Variants in ADRA2A observed in about 807,000 individuals in gnomAD.
ADRA2A encodes the protein adrenoceptor alpha 2A.
In ADRA2A, 6 loss-of-function variants were observed where a neutral mutation model predicts 5.9. The ratio of observed to expected loss-of-function variants is 1.01; its 90% confidence interval spans 0.55 to 2.00. The LOEUF is 2.00. Among genes scored for constraint, ADRA2A ranks in the 30% most tolerant of loss-of-function variants. The pLI is 0.00. For synonymous variants in ADRA2A, 345 were observed against 325.9 expected, an observed-to-expected ratio of 1.06 and a Z score of -0.63; for missense variants, 647 against 690.0, an observed-to-expected ratio of 0.94 and a Z score of 0.70.
Position 111,078,321 on chromosome 10 carries a change from G to T in ADRA2A, c.325G>T (p.Glu109Ter). 6.2e-7 allele frequency: 1 copy of T among 1,614,062 alleles called. No homozygotes were observed. Among genetic ancestry groups the T allele is most frequent in the Non-Finnish European group, 8.5e-7 (1 of 1,180,014 alleles). Residue 109 changes from glutamate (E) to a stop codon, truncating the protein, a stop_gained, in exon 1 of 1, where the codon GAG becomes TAG. Coordinates refer to ENST00000280155, the MANE Select transcript of ADRA2A (RefSeq NM_000681.4). LOFTEE classifies it low-confidence loss of function (END_TRUNC). The part of the protein sequence containing the change: ...TLVIPFSLAN[E>*]VMGYWYFGKA... ...CGTCATCCCTTTCTCGCTGGCCAAC[G>T]AGGTCATGGGCTACTGGTACTTCGG...
rs374866490 is a variant in ADRA2A at position 111,078,364 on chromosome 10, T to G, written c.368T>G (p.Ile123Ser). Residue 123 changes from isoleucine (I) to serine (S), a missense_variant, in exon 1 of 1, where the codon ATC becomes AGC. Transcript: ENST00000280155. ...YWYFGKAWCE[I>S]YLALDVLFCT... Reference sequence around the variant, plus strand: ...TACTTCGGCAAGGCTTGGTGCGAGATCTACCTGGCGCTCGACGTGCTCTTC... The same window carrying G: ...TACTTCGGCAAGGCTTGGTGCGAGAGCTACCTGGCGCTCGACGTGCTCTTC... The G allele has an allele frequency of 4.3e-6, 7 of 1,613,856 alleles. No homozygotes were observed. The South Asian group carries it at 5.5e-5, about 13-fold the overall frequency.
rs751913008 is a variant in ADRA2A at position 111,078,086 on chromosome 10, G to C, written c.90G>C (p.Gly30=). ...QPDAGNASWN[G]TEAPGGGARA... ...ACGCGGGCAACGCGAGCTGGAACGG[G>C]ACCGAGGCGCCGGGGGGCGGCGCCC... is the stretch of plus-strand genomic sequence containing the variant. The change falls in exon 1 of 1, where the codon GGG becomes GGC. Residue 30 remains glycine (G), a synonymous_variant. Coordinates refer to ENST00000280155, the MANE Select transcript of ADRA2A (RefSeq NM_000681.4). 10 of 1,561,124 alleles carry C rather than the reference G, an allele frequency of 6.4e-6. No individual in the cohort carries two copies. In the South Asian group the frequency reaches 1.0e-4, roughly 16 times the overall value.
rs377089521 is a variant in ADRA2A at position 111,078,589 on chromosome 10, C to T, written c.593C>T (p.Pro198Leu). 4 of 1,594,700 alleles carry T rather than the reference C, an allele frequency of 2.5e-6. No homozygotes were observed. Among genetic ancestry groups the T allele is most frequent in the Non-Finnish European group, 2.6e-6 (3 of 1,171,634 alleles). ...AAGGGCGGCGGCGGCGGCCCGCAGC[C>T]GGCCGAGCCGCGCTGCGAGATCAAC... ...EKKGGGGGPQPAEPRCEINDQ... is the reference protein window; with the variant it reads ...EKKGGGGGPQLAEPRCEINDQ... The change falls in exon 1 of 1, where the codon CCG becomes CTG. Residue 198 changes from proline (P) to leucine (L), a missense_variant. By Grantham distance (98) the Pro-to-Leu change is moderately conservative. This residue lies in a region of ADRA2A where 577 missense variants were observed against 605.4 expected (regional missense o/e 0.95). Coordinates refer to ENST00000280155, the MANE Select transcript of ADRA2A (RefSeq NM_000681.4).
rs1196098168 is a variant in ADRA2A, at chr10:111,078,406, T to C, written c.410T>C (p.Val137Ala). The C allele has an allele frequency of 1.2e-6, 2 of 1,613,914 alleles. No homozygotes were observed. The highest frequency in any genetic ancestry group is 2.7e-5 in the African/African-American group (2 of 74,936). Residue 137 changes from valine (V) to alanine (A), a missense_variant, in exon 1 of 1, where the codon GTG becomes GCG. Val to Ala is a moderately conservative substitution (Grantham distance 64). Transcript: ENST00000280155. Reference sequence around the variant, plus strand: ...GTGCTCTTCTGCACGTCGTCCATCGTGCACCTGTGCGCCATCAGCCTGGAC... The same window carrying C: ...GTGCTCTTCTGCACGTCGTCCATCGCGCACCTGTGCGCCATCAGCCTGGAC... Reference protein sequence around the residue: ...LDVLFCTSSIVHLCAISLDRY... With the variant: ...LDVLFCTSSIAHLCAISLDRY...
rs1843547860 is a variant in ADRA2A, at chr10:111,077,793, G to A, written c.-204G>A. The A allele has an allele frequency of 1.5e-6, 1 of 662,144 alleles. No individual in the cohort carries two copies. The highest frequency in any genetic ancestry group is 2.1e-6 in the Non-Finnish European group (1 of 468,624). 41.0% of individuals were successfully genotyped at this position (662,144 alleles called of 1,614,324 possible). A position where few individuals can be genotyped will look rare whatever the true frequency, so the allele number is the denominator to read the frequency against. On this transcript the variant is annotated 5_prime_UTR_variant, in exon 1 of 1. Transcript: ENST00000280155. ...GAGCAAGAAGGCGCCCACCGAGAGC[G>A]TCTGAAGCGCGAGCCAGGCGCAGTT...
chr10:111,078,908 C>T lies in ADRA2A; in HGVS notation c.912C>T (p.Asp304=), dbSNP rs1398285143. ...CGCCGGCCGGGCCGCGCGACACCGA[C>T]GCGCTGGACCTGGAGGAGAGCTCGT... The part of the protein sequence containing the change: ...EPAPAGPRDT[D]ALDLEESSSS... The change falls in exon 1 of 1, where the codon GAC becomes GAT. Residue 304 remains aspartate, a synonymous_variant. Coordinates refer to ENST00000280155, the MANE Select transcript of ADRA2A (RefSeq NM_000681.4). The T allele has an allele frequency of 8.2e-7, 1 of 1,219,662 alleles. No individual in the cohort carries two copies. The highest frequency in any genetic ancestry group is 3.2e-5 in the South Asian group (1 of 30,996). 75.6% of individuals were successfully genotyped at this position (1,219,662 alleles called of 1,614,324 possible).
At position 111,079,048 on chromosome 10, in the gene ADRA2A, G is replaced by A. The variant is rs1274749299; in HGVS notation, c.1052G>A (p.Gly351Glu). 7.7e-7 allele frequency: 1 copy of A among 1,303,568 alleles called. No homozygotes were observed. The highest frequency in any genetic ancestry group is 9.7e-7 in the Non-Finnish European group (1 of 1,031,628). 80.8% of individuals were successfully genotyped at this position (1,303,568 alleles called of 1,614,324 possible). ...VKPGDSLPRRGPGATGIGTPA... is the reference protein window; with the variant it reads ...VKPGDSLPRREPGATGIGTPA... ...CCGGGCGACAGCCTGCCGCGGCGCG[G>A]GCCGGGGGCGACGGGGATCGGGACG... Residue 351 changes from glycine to glutamate, a missense_variant, in exon 1 of 1, where the codon GGG (glycine) becomes GAG (glutamate). Gly to Glu is a moderately conservative substitution (Grantham distance 98). Transcript: ENST00000280155.
chr10:111,078,423 A>G lies in ADRA2A; in HGVS notation c.427A>G (p.Ser143Gly), dbSNP rs1443650366. The part of the protein sequence containing the change: ...TSSIVHLCAI[S>G]LDRYWSITQA... ...GTCCATCGTGCACCTGTGCGCCATC[A>G]GCCTGGACCGCTACTGGTCCATCAC... The change falls in exon 1 of 1, where the codon AGC becomes GGC. Residue 143 changes from serine (S) to glycine (G), a missense_variant. Around this residue, in one of 3 missense-constraint regions of ADRA2A, gnomAD observed 577 missense variants for 605.4 expected, o/e 0.95. Transcript: ENST00000280155. 6.2e-7 allele frequency: 1 copy of G among 1,613,976 alleles called. No individual in the cohort carries two copies. Among genetic ancestry groups the G allele is most frequent in the Admixed American group, 1.7e-5 (1 of 60,026 alleles).
At position 111,079,035 on chromosome 10, in the gene ADRA2A, C is replaced by T. The variant is rs1843568477; in HGVS notation, c.1039C>T (p.Leu347=). The change falls in exon 1 of 1, where the codon CTG becomes TTG. Residue 347 remains leucine, a synonymous_variant. Coordinates refer to ENST00000280155, the MANE Select transcript of ADRA2A (RefSeq NM_000681.4). The part of the protein sequence containing the change: ...RASQVKPGDS[L]PRRGPGATGI... ...GAGCCAGGTGAAGCCGGGCGACAGC[C>T]TGCCGCGGCGCGGGCCGGGGGCGAC... 3 of 1,266,526 alleles carry T rather than the reference C, an allele frequency of 2.4e-6. No homozygotes were observed. Among genetic ancestry groups the T allele is most frequent in the Non-Finnish European group, 2.0e-6 (2 of 1,011,010 alleles). The allele number at this position is 1,266,526 out of a possible 1,614,324, so 78.5% of individuals were successfully genotyped here. A position where few individuals can be genotyped will look rare whatever the true frequency, so the allele number is the denominator to read the frequency against.
Position 111,078,438 on chromosome 10 carries a change from T to C in ADRA2A, c.442T>C (p.Trp148Arg). 1 of 1,613,172 alleles carries C rather than the reference T, an allele frequency of 6.2e-7. No individual in the cohort carries two copies. Among genetic ancestry groups the C allele is most frequent in the Non-Finnish European group, 8.5e-7 (1 of 1,179,614 alleles). Residue 148 changes from tryptophan (W) to arginine (R), a missense_variant, in exon 1 of 1, where the codon TGG becomes CGG. Physicochemically the swap from Trp to Arg is moderately radical, Grantham distance 101 (BLOSUM62 -3). This residue lies in a region of ADRA2A where 577 missense variants were observed against 605.4 expected (regional missense o/e 0.95). Coordinates refer to ENST00000280155, the MANE Select transcript of ADRA2A (RefSeq NM_000681.4). ...GTGCGCCATCAGCCTGGACCGCTAC[T>C]GGTCCATCACACAGGCCATCGAGTA... Reference protein sequence around the residue: ...HLCAISLDRYWSITQAIEYNL... With the variant: ...HLCAISLDRYRSITQAIEYNL...
In ADRA2A at chr10:111,079,145, C is replaced by T; in HGVS notation, c.1149C>T (p.Arg383=). 6.2e-7 allele frequency: 1 copy of T among 1,608,206 alleles called. No homozygotes were observed. The highest frequency in any genetic ancestry group is 1.1e-5 in the South Asian group (1 of 90,896). Residue 383 remains arginine (R), a synonymous_variant, in exon 1 of 1, where the codon CGC becomes CGT. Coordinates refer to ENST00000280155, the MANE Select transcript of ADRA2A (RefSeq NM_000681.4). The part of the protein sequence containing the change: ...KASRWRGRQN[R]EKRFTFVLAV... ...CGCGCTGGCGCGGGCGGCAGAACCG[C>T]GAGAAGCGCTTCACGTTCGTGCTGG...
In ADRA2A at chr10:111,079,405, G is replaced by T; in HGVS notation, c.*11G>T. 1 of 1,613,348 alleles carries T rather than the reference G, an allele frequency of 6.2e-7. No homozygotes were observed. Among genetic ancestry groups the T allele is most frequent in the Non-Finnish European group, 8.5e-7 (1 of 1,179,816 alleles). On this transcript the variant is annotated 3_prime_UTR_variant, in exon 1 of 1. Coordinates refer to ENST00000280155, the MANE Select transcript of ADRA2A (RefSeq NM_000681.4). ...AAGCGGATCGTGTGAGGTTTCCGCT[G>T]GCGCCCGCGTAGACTCACGCTGACT... is the stretch of plus-strand genomic sequence containing the variant.
rs148162881 is a variant in ADRA2A, at chr10:111,079,231, C to T, written c.1235C>T (p.Thr412Met). ...CCCTTCTTCTTCACCTACACGCTCA[C>T]GGCCGTCGGGTGCTCCGTGCCACGC... is the stretch of plus-strand genomic sequence containing the variant. ...WFPFFFTYTL[T>M]AVGCSVPRTL... is the part of the protein sequence containing the mutation. Residue 412 changes from threonine to methionine, a missense_variant, in exon 1 of 1, where the codon ACG (threonine) becomes ATG (methionine). Transcript: ENST00000280155. 1,441 of 1,614,152 alleles carry T rather than the reference C, an allele frequency of 8.9e-4. No homozygotes were observed. The highest frequency in any genetic ancestry group is 1.2e-3 in the Non-Finnish European group (1,383 of 1,180,022).
In ADRA2A at chr10:111,079,205, C is replaced by G; in HGVS notation, c.1209C>G (p.Phe403Leu). The G allele has an allele frequency of 6.2e-7, 1 of 1,614,088 alleles. No individual in the cohort carries two copies. The highest frequency in any genetic ancestry group is 8.5e-7 in the Non-Finnish European group (1 of 1,180,014). The change falls in exon 1 of 1, where the codon TTC becomes TTG. Residue 403 changes from phenylalanine (F) to leucine (L), a missense_variant. Physicochemically the swap from Phe to Leu is conservative, Grantham distance 22. Coordinates refer to ENST00000280155, the MANE Select transcript of ADRA2A (RefSeq NM_000681.4). ...TCGGAGTGTTCGTGGTGTGCTGGTT[C>G]CCCTTCTTCTTCACCTACACGCTCA... ...VVIGVFVVCW[F>L]PFFFTYTLTA...
Position 111,079,032 on chromosome 10 carries a change from A to C in ADRA2A, c.1036A>C (p.Ser346Arg). Residue 346 changes from serine to arginine, a missense_variant, in exon 1 of 1, where the codon AGC becomes CGC. Around this residue, in one of 3 missense-constraint regions of ADRA2A, gnomAD observed 577 missense variants for 605.4 expected, o/e 0.95. Transcript: ENST00000280155. ...ARASQVKPGD[S>R]LPRRGPGATG... Reference sequence around the variant, plus strand: ...AGCGAGCCAGGTGAAGCCGGGCGACAGCCTGCCGCGGCGCGGGCCGGGGGC... The same window carrying C: ...AGCGAGCCAGGTGAAGCCGGGCGACCGCCTGCCGCGGCGCGGGCCGGGGGC... The C allele has an allele frequency of 7.9e-7, 1 of 1,264,174 alleles. No homozygotes were observed. The highest frequency in any genetic ancestry group is 9.9e-7 in the Non-Finnish European group (1 of 1,009,696). 78.3% of individuals were successfully genotyped at this position (1,264,174 alleles called of 1,614,324 possible).
chr10:111,078,499 T>A lies in ADRA2A; in HGVS notation c.503T>A (p.Ile168Asn). 6.2e-7 allele frequency: 1 copy of A among 1,612,490 alleles called. No homozygotes were observed. The highest frequency in any genetic ancestry group is 8.5e-7 in the Non-Finnish European group (1 of 1,179,654). ...LKRTPRRIKA[I>N]IITVWVISAV... The stretch of plus-strand genomic sequence containing the variant: ...CGCACGCCGCGCCGCATCAAGGCCA[T>A]CATCATCACCGTGTGGGTCATCTCG... Residue 168 changes from isoleucine to asparagine, a missense_variant, in exon 1 of 1, where the codon ATC becomes AAC. By Grantham distance (149) the Ile-to-Asn change is moderately radical. Around this residue, in one of 3 missense-constraint regions of ADRA2A, gnomAD observed 577 missense variants for 605.4 expected, o/e 0.95. Transcript: ENST00000280155.
Position 111,078,686 on chromosome 10 carries a change from C to G in ADRA2A, c.690C>G (p.Val230=). ...CTCCCTGCCTCATCATGATCCTGGT[C>G]TACGTGCGCATCTACCAGATCGCCA... ...FFAPCLIMIL[V]YVRIYQIAKR... Residue 230 remains valine (V), a synonymous_variant, in exon 1 of 1, where the codon GTC becomes GTG. Transcript: ENST00000280155. 6.3e-7 allele frequency: 1 copy of G among 1,575,596 alleles called. No individual in the cohort carries two copies. The highest frequency in any genetic ancestry group is 8.6e-7 in the Non-Finnish European group (1 of 1,159,892).
At position 111,078,156 on chromosome 10, in the gene ADRA2A, C is replaced by G. The variant is rs751907762; in HGVS notation, c.160C>G (p.Leu54Val). The part of the protein sequence containing the change: ...SLQVTLTLVC[L>V]AGLLMLLTVF... ...GCAGGTGACGCTGACGCTGGTGTGCCTGGCCGGCCTGCTCATGCTGCTCAC... is the reference window on the plus strand; with the variant it reads ...GCAGGTGACGCTGACGCTGGTGTGCGTGGCCGGCCTGCTCATGCTGCTCAC... Residue 54 changes from leucine to valine, a missense_variant, in exon 1 of 1, where the codon CTG becomes GTG. Leu to Val is a conservative substitution (Grantham distance 32). Around this residue, in one of 3 missense-constraint regions of ADRA2A, gnomAD observed 577 missense variants for 605.4 expected, o/e 0.95. Coordinates refer to ENST00000280155, the MANE Select transcript of ADRA2A (RefSeq NM_000681.4). 6.2e-7 allele frequency: 1 copy of G among 1,609,020 alleles called. No individual in the cohort carries two copies. Among genetic ancestry groups the G allele is most frequent in the Admixed American group, 1.7e-5 (1 of 59,792 alleles).
Position 111,077,837 on chromosome 10 carries a change from G to A in ADRA2A, c.-160G>A. 1 of 1,174,666 alleles carries A rather than the reference G, an allele frequency of 8.5e-7. No individual in the cohort carries two copies. Among genetic ancestry groups the A allele is most frequent in the Non-Finnish European group, 1.1e-6 (1 of 931,388 alleles). The allele number at this position is 1,174,666 out of a possible 1,614,324, so 72.8% of individuals were successfully genotyped here. A position where few individuals can be genotyped will look rare whatever the true frequency, so the allele number is the denominator to read the frequency against. On this transcript the variant is annotated 5_prime_UTR_variant, in exon 1 of 1. Transcript: ENST00000280155. ...CGCAGTTCGCGGGACCCGGGCCATGGGCCGCTAGCGGTCCTCCAGTTCGGG... is the reference window on the plus strand; with the variant it reads ...CGCAGTTCGCGGGACCCGGGCCATGAGCCGCTAGCGGTCCTCCAGTTCGGG...
Sources: allele counts gnomAD v4.1 joint callset, GRCh38; gene constraint gnomAD v4.1.1; regional missense constraint gnomAD v4.1.1; transcripts MANE v1.5; gene names NCBI Gene and HGNC (gene_info 2026-07-23, HGNC 2026-07-21).